Variants in LRPAP1 observed in about 807,000 individuals in gnomAD.
The protein encoded by LRPAP1 is LDL receptor related protein associated protein 1, also known as alpha-2-macroglobulin receptor-associated protein.
LRPAP1 carries 41 observed loss-of-function variants against 39.9 expected under a neutral mutation model. The ratio of observed to expected loss-of-function variants is 1.03; its 90% CI spans 0.80 to 1.33. The LOEUF is 1.33. LRPAP1 is among the 40% of genes most tolerant of loss of function. The pLI is 0.00. For missense variants in LRPAP1, 565 were observed against 482.3 expected, an observed-to-expected ratio of 1.17 and a Z score of -1.61; for synonymous variants, 263 against 212.7, an observed-to-expected ratio of 1.24 and a Z score of -2.06.
chr4:3,519,608 C>A (rs1232577924), intron 3 of LRPAP1, among the ~76,000 whole-genome samples: 1 of 152,208 alleles, frequency 6.6e-6, no homozygotes, highest in Non-Finnish European at 1.5e-5. Flanking sequence ...GGTAAACACC[C>A]TGCCACAGCC....
In LRPAP1 at chr4:3,504,536, G is replaced by A. The variant is rs1729293430; in HGVS notation, c.*8438C>T. The stretch of plus-strand genomic sequence containing the variant: ...AGGCCGAGGTGGGCGGATTGCCTGA[G>A]GTCAGGAGTTCGAGACCAGCCTGGC... On this transcript the variant is annotated 3_prime_UTR_variant, in exon 8 of 8. Transcript: ENST00000650182. 1 of 152,106 alleles carries A rather than the reference G, an allele frequency of 6.6e-6. No individual in the cohort carries two copies. Among genetic ancestry groups the A allele is most frequent in the Non-Finnish European group, 1.5e-5 (1 of 68,040 alleles). 9.4% of individuals were successfully genotyped at this position (152,106 alleles called of 1,614,324 possible). A position where few individuals can be genotyped will look rare whatever the true frequency, so the allele number is the denominator to read the frequency against.
Position 3,504,731 on chromosome 4 carries a change from T to TCGAG in LRPAP1, c.*8242_*8243insCTCG, listed in dbSNP as rs1553852450. Among the ~76,000 whole-genome samples, 1 of 137,702 alleles carries TCGAG rather than the reference T, an allele frequency of 7.3e-6. No individual in the cohort carries two copies. The allele number at this position is 137,702 out of a possible 152,430, so 90.3% of individuals were successfully genotyped here. A position where few individuals can be genotyped will look rare whatever the true frequency, so the allele number is the denominator to read the frequency against. On this transcript the variant is annotated 3_prime_UTR_variant, in exon 8 of 8. Transcript: ENST00000650182. ...CGCCATTGCACTGCAGCCTGAGCAA[T>TCGAG]TGAGATTCCATCTCAAAAAAAAAAA... is the stretch of plus-strand genomic sequence containing the variant.
Position 3,504,703 on chromosome 4 carries a change from T to C in LRPAP1, c.*8271A>G, listed in dbSNP as rs956350554. Among the ~76,000 whole-genome samples the C allele has an allele frequency of 2.8e-5, 4 of 143,310 alleles. No homozygotes were observed. The highest frequency in any genetic ancestry group is 1.5e-4 in the Admixed American group (2 of 13,246). The allele number at this position is 143,310 out of a possible 152,430, so 94.0% of individuals were successfully genotyped here. On this transcript the variant is annotated 3_prime_UTR_variant, in exon 8 of 8. Transcript: ENST00000650182. ...AGGTGGAGGTTGCAGTGAGCCAAGA[T>C]TGCGCCATTGCACTGCAGCCTGAGC... is the stretch of plus-strand genomic sequence containing the variant.
At chr4:3,518,229 G>C (rs1729787318) in intron 4 of LRPAP1, 37 bp from the exon 5 acceptor site, 1 of 1,587,252 alleles carries the variant, frequency 6.3e-7, no homozygotes, top group East Asian at 2.3e-5. Flanking sequence ...GAGGCTGGGA[G>C]TCCTCGCACT....
rs1170438062 is a variant in LRPAP1 at position 3,504,776 on chromosome 4, AAC to A, written c.*8196_*8197del. ...AAAAAAAAAAAAAACCAAAAAACAA[AAC>A]ACACACACACACAGAAAAATTAGCT... On this transcript the variant is annotated 3_prime_UTR_variant, in exon 8 of 8. Transcript: ENST00000650182. Among the ~76,000 whole-genome samples the A allele has an allele frequency of 5.3e-5, 8 of 150,438 alleles. No individual in the cohort carries two copies. Among genetic ancestry groups the A allele is most frequent in the South Asian group, 4.2e-4 (2 of 4,736 alleles).
rs893077835 is a variant in LRPAP1, at chr4:3,505,256, G to A, written c.*7718C>T. On this transcript the variant is annotated 3_prime_UTR_variant, in exon 8 of 8. Transcript: ENST00000650182. Reference sequence around the variant, plus strand: ...GCCCCTGGTGTCCCGCAGCGGCTGCGGTGGCAGTGGTGGGGGAGCAGGCAT... The same window carrying A: ...GCCCCTGGTGTCCCGCAGCGGCTGCAGTGGCAGTGGTGGGGGAGCAGGCAT... Among the ~76,000 whole-genome samples the A allele has an allele frequency of 6.6e-6, 1 of 152,204 alleles. No individual in the cohort carries two copies. The highest frequency in any genetic ancestry group is 1.5e-5 in the Non-Finnish European group (1 of 68,032).
Position 3,505,901 on chromosome 4 carries a change from T to C in LRPAP1, c.*7073A>G, listed in dbSNP as rs1391613171. Among the ~76,000 whole-genome samples, 2 of 152,204 alleles carry C rather than the reference T, an allele frequency of 1.3e-5. No individual in the cohort carries two copies. Among genetic ancestry groups the C allele is most frequent in the African/African-American group, 4.8e-5 (2 of 41,462 alleles). ...GCTGGGCTGAGCTGGGACCAGCTCT[T>C]CCACTGCCCTGCTCCGAGCCTGCTC... On this transcript the variant is annotated 3_prime_UTR_variant, in exon 8 of 8. Transcript: ENST00000650182.
chr4:3,525,194 C>G, intron 1 of LRPAP1, 143 bp from the exon 2 acceptor site: 1 of 863,974 alleles, frequency 1.2e-6, no homozygotes, highest in Non-Finnish European at 1.9e-6. Context: ...CAGCAGGATT[C>G]AAACCCCACA....
chr4:3,527,858 G>C (rs1184886947), intron 1 of LRPAP1, among the ~76,000 whole-genome samples: 1 of 152,190 alleles, frequency 6.6e-6, no homozygotes, highest in African/African-American at 2.4e-5. Context: ...GCCTCCCTAG[G>C]GTGCTGGGAG....
In LRPAP1 at chr4:3,506,975, G is replaced by A. The variant is rs865813372; in HGVS notation, c.*5999C>T. ...CCGCCACCTGTAATCCTGGCACTCC[G>A]CGAGGTGGAGGCAGGTGAATCACTT... On this transcript the variant is annotated 3_prime_UTR_variant, in exon 8 of 8. Coordinates refer to ENST00000650182, the MANE Select transcript of LRPAP1 (RefSeq NM_002337.4). 13 of 152,346 alleles carry A rather than the reference G, an allele frequency of 8.5e-5. No homozygotes were observed. Among genetic ancestry groups the A allele is most frequent in the African/African-American group, 3.1e-4 (13 of 41,566 alleles). 9.4% of individuals were successfully genotyped at this position (152,346 alleles called of 1,614,324 possible).
intron 4 of LRPAP1, 29 bp from the exon 5 acceptor site, chr4:3,518,221 G>C: frequency 1.3e-6 from 2 of 1,595,762 alleles, no homozygotes; most frequent in Admixed American, 1.7e-5. Context: ...GACGCCATGA[G>C]GCTGGGAGTC....
At position 3,512,779 on chromosome 4, in the gene LRPAP1, G is replaced by A. The variant is rs1041772479; in HGVS notation, c.*195C>T. On this transcript the variant is annotated 3_prime_UTR_variant, in exon 8 of 8. Transcript: ENST00000650182. ...TTCAGTCAGAGCTGGGCCGATCTCA[G>A]ACCCAAATGCTACCACCACCAAGCC... 3 of 589,118 alleles carry A rather than the reference G, an allele frequency of 5.1e-6. No individual in the cohort carries two copies. Among genetic ancestry groups the A allele is most frequent in the Non-Finnish European group, 9.1e-6 (3 of 330,782 alleles). 36.5% of individuals were successfully genotyped at this position (589,118 alleles called of 1,614,324 possible). A position where few individuals can be genotyped will look rare whatever the true frequency, so the allele number is the denominator to read the frequency against.
chr4:3,517,974 C>A, intron 5 of LRPAP1, 60 bp downstream of exon 5: 4 of 1,534,850 alleles, frequency 2.6e-6, no homozygotes, highest in Non-Finnish European at 3.5e-6. Context: ...TGCTTGTCCC[C>A]AAAACACAAC....
In LRPAP1 at chr4:3,504,957, TA is replaced by T. The variant is rs536899453; in HGVS notation, c.*8016del. On this transcript the variant is annotated 3_prime_UTR_variant, in exon 8 of 8. Coordinates refer to ENST00000650182, the MANE Select transcript of LRPAP1 (RefSeq NM_002337.4). Reference sequence around the variant, plus strand: ...GCAAGACTCCGTCTCAAGAAAAAAATAAATAACAAAGAACAGAAGACAACAT... The same window carrying T: ...GCAAGACTCCGTCTCAAGAAAAAAATAATAACAAAGAACAGAAGACAACAT... 4.5e-3 allele frequency among the ~76,000 whole-genome samples: 679 copies of T among 151,518 alleles called. 5 individuals carry two copies. The highest frequency in any genetic ancestry group is 6.8e-3 in the Middle Eastern group (2 of 292).
intron 1 of LRPAP1, 76 bp downstream of exon 1, chr4:3,532,133 C>T (rs1560264199): frequency 6.7e-7 from 1 of 1,499,896 alleles, no homozygotes; most frequent in Non-Finnish European, 9.0e-7. Context: ...CCTCCGACCC[C>T]TGGGCCCCGC....
chr4:3,519,066 C>T (rs747003698), intron 3 of LRPAP1, 75 bp from the exon 4 acceptor site: 5 of 1,573,638 alleles, frequency 3.2e-6, no homozygotes, highest in Admixed American at 1.8e-5. Flanking sequence ...GCCAACCACT[C>T]CTCATGGCCA....
At chr4:3,514,580 G>A (rs1729632728) in intron 7 of LRPAP1, among the ~76,000 whole-genome samples, 172 bp downstream of exon 7, 1 of 152,270 alleles carries the variant, frequency 6.6e-6, no homozygotes, top group African/African-American at 2.4e-5. Context: ...TAGCATGGCT[G>A]CTGTGGCCTT....
chr4:3,524,477 T>G (rs892801996), intron 2 of LRPAP1, among the ~76,000 whole-genome samples: 1 of 152,226 alleles, frequency 6.6e-6, no homozygotes, highest in Non-Finnish European at 1.5e-5. Flanking sequence ...CCAGAGCCCC[T>G]GCCTTGGCCC....
chr4:3,520,613 G>T (rs573218553), intron 2 of LRPAP1, among the ~76,000 whole-genome samples: 2 of 152,240 alleles, frequency 1.3e-5, no homozygotes, highest in Non-Finnish European at 2.9e-5. Flanking sequence ...CTCACCTGCT[G>T]CCATAGGGCA....
Sources: allele counts gnomAD v4.1 joint callset (sites outside exome capture counted in the v4.1 genomes callset), GRCh38; gene constraint gnomAD v4.1.1; transcripts MANE v1.5; gene names NCBI Gene and HGNC (gene_info 2026-07-23, HGNC 2026-07-21).